Variants in MGAT4C observed in about 807,000 individuals in gnomAD.
MGAT4C encodes alpha-1,3-mannosyl-glycoprotein 4-beta-N-acetylglucosaminyltransferase C.
A neutral mutation model predicts 40.1 loss-of-function variants in MGAT4C; 19 were observed. That is an observed-to-expected ratio of 0.47 (90% confidence interval 0.33 to 0.70). The LOEUF is 0.70. MGAT4C is among the 30% of genes least tolerant of loss of function. The probability of loss-of-function intolerance (pLI) is 0.02; values close to 1 mark genes in which losing one functional copy is unlikely to be tolerated. For synonymous variants in MGAT4C, 181 were observed against 187.1 expected (o/e 0.97, Z 0.27); for missense variants, 491 against 563.2 (o/e 0.87, Z 1.30).
intron 1 of MGAT4C, among the ~76,000 whole-genome samples, chr12:86,208,575 C>T (rs1490909594): frequency 6.6e-6 from 1 of 152,122 alleles, no homozygotes; most frequent in East Asian, 1.9e-4. Context: ...TACCAAGAAC[C>T]TGGGAGATCT....
intron 2 of MGAT4C, among the ~76,000 whole-genome samples, chr12:86,680,858 G>C (rs554340078): frequency 2.3e-3 from 353 of 151,890 alleles, no homozygotes; most frequent in African/African-American, 8.2e-3. Flanking sequence ...TCTTTCTATA[G>C]TTGTGAATTT....
At chr12:86,177,526 T>C (rs1261584636) in intron 1 of MGAT4C, among the ~76,000 whole-genome samples, 1 of 152,130 alleles carries the variant, frequency 6.6e-6, no homozygotes, top group Non-Finnish European at 1.5e-5. Flanking sequence ...TTTCACCCAA[T>C]ATCTAAGAAA....
intron 2 of MGAT4C, among the ~76,000 whole-genome samples, chr12:86,468,516 GT>G (rs145459240): frequency 0.1 from 15,755 of 151,544 alleles, 1,028 homozygotes; most frequent in Middle Eastern, 0.25. Flanking sequence ...AGTCTGAGTT[GT>G]TTTTTTTCTT....
intron 1 of MGAT4C, among the ~76,000 whole-genome samples, chr12:86,251,469 A>T (rs1341617993): frequency 6.6e-6 from 1 of 152,042 alleles, no homozygotes; most frequent in African/African-American, 2.4e-5. Context: ...ACGCAAACAA[A>T]AAAGAAAGTG....
At chr12:86,677,642 A>G (rs1159498000) in intron 2 of MGAT4C, among the ~76,000 whole-genome samples, 2 of 152,196 alleles carry the variant, frequency 1.3e-5, no homozygotes, top group Non-Finnish European at 2.9e-5. Flanking sequence ...ATAGAAAAAT[A>G]AATATTCTTT....
chr12:86,222,388 T>A (rs1857834678), intron 1 of MGAT4C, among the ~76,000 whole-genome samples: 1 of 152,224 alleles, frequency 6.6e-6, no homozygotes, highest in African/African-American at 2.4e-5. Flanking sequence ...AATTTAATTA[T>A]ACTCTGCACT....
chr12:86,576,747 G>A (rs954493206), intron 2 of MGAT4C, among the ~76,000 whole-genome samples: 3 of 151,906 alleles, frequency 2.0e-5, no homozygotes, highest in Non-Finnish European at 2.9e-5. Flanking sequence ...TTTGAAGTAA[G>A]TTAATGTGAT....
intron 2 of MGAT4C, among the ~76,000 whole-genome samples, chr12:86,558,178 G>T (rs551679443): frequency 3.0e-4 from 46 of 152,052 alleles, no homozygotes; most frequent in African/African-American, 9.4e-4. Context: ...GAAAATAAAA[G>T]AAAGATGAAG....
chr12:86,236,211 CG>C (rs945105948), intron 1 of MGAT4C, among the ~76,000 whole-genome samples: 3 of 152,012 alleles, frequency 2.0e-5, no homozygotes, highest in African/African-American at 7.2e-5. Flanking sequence ...AAAGGTAGAG[CG>C]TTTTCAGGGT....
Position 86,291,814 on chromosome 12 carries a change from C to T in MGAT4C, c.-57+42251G>A, listed in dbSNP as rs566296508. On this transcript the variant is annotated intron_variant, in intron 4 of 7. Coordinates refer to the MGAT4C transcript ENST00000548651. ...ATTAGCCAAAGATTCCGGAAATAAACTGAATACTGTGAATAGGATTTGGGG... is the reference window on the plus strand; with the variant it reads ...ATTAGCCAAAGATTCCGGAAATAAATTGAATACTGTGAATAGGATTTGGGG... Among the ~76,000 whole-genome samples the T allele has an allele frequency of 8.2e-4, 36 of 43,754 alleles. No individual in the cohort carries two copies. In the South Asian group the frequency reaches 0.045, roughly 55 times the overall value. The allele number at this position is 43,754 out of a possible 152,430, so 28.7% of individuals were successfully genotyped here.
intron 2 of MGAT4C, among the ~76,000 whole-genome samples, chr12:86,602,829 C>T (rs1157822803): frequency 6.6e-6 from 1 of 151,960 alleles, no homozygotes; most frequent in Non-Finnish European, 1.5e-5. Flanking sequence ...GCAACAATCT[C>T]GCCATCTGTA....
chr12:86,203,343 TGACC>T, intron 1 of MGAT4C, among the ~76,000 whole-genome samples: 1 of 152,268 alleles, frequency 6.6e-6, no homozygotes, highest in South Asian at 2.1e-4. Flanking sequence ...CAGTACTGTA[TGACC>T]TCTTATAGTT....
Position 85,969,861 on chromosome 12 carries a change from T to A in MGAT4C, c.*9428A>T, listed in dbSNP as rs1883536258. ...TATGCTCTTTAGCTTTTTTAATACC[T>A]CTTACCTTATATGGTTGTTTAATCT... On this transcript the variant is annotated 3_prime_UTR_variant, in exon 5 of 5. Transcript: ENST00000611864. 6.6e-6 allele frequency: 1 copy of A among 151,454 alleles called. No individual in the cohort carries two copies. The highest frequency in any genetic ancestry group is 1.5e-5 in the Non-Finnish European group (1 of 67,516). The allele number at this position is 151,454 out of a possible 1,614,324, so 9.4% of individuals were successfully genotyped here.
intron 1 of MGAT4C, among the ~76,000 whole-genome samples, chr12:86,142,423 G>A (rs780133126): frequency 5.3e-5 from 8 of 152,074 alleles, no homozygotes; most frequent in African/African-American, 9.7e-5. Flanking sequence ...TCTGATCTCT[G>A]GGTTGCTCAT....
At position 85,971,658 on chromosome 12, in the gene MGAT4C, C is replaced by A. The variant is rs1253486943; in HGVS notation, c.*7631G>T. On this transcript the variant is annotated 3_prime_UTR_variant, in exon 5 of 5. Coordinates refer to ENST00000611864, the MANE Select transcript of MGAT4C (RefSeq NM_001351288.2). ...AACACTAGATACGTACCAAAATTGT[C>A]TTTTGACCCTCTCAGGGAGTCAAGT... 1 of 151,170 alleles carries A rather than the reference C, an allele frequency of 6.6e-6. No individual in the cohort carries two copies. Among genetic ancestry groups the A allele is most frequent in the Non-Finnish European group, 1.5e-5 (1 of 67,332 alleles). 9.4% of individuals were successfully genotyped at this position (151,170 alleles called of 1,614,324 possible). A position where few individuals can be genotyped will look rare whatever the true frequency, so the allele number is the denominator to read the frequency against.
chr12:86,064,288 G>A (rs1409723170), intron 1 of MGAT4C, among the ~76,000 whole-genome samples: 2 of 152,182 alleles, frequency 1.3e-5, no homozygotes, highest in Admixed American at 6.5e-5. Context: ...CCTGAGGCAG[G>A]AGAATGGCAT....
At chr12:86,730,568 T>C (rs1189315739) in intron 1 of MGAT4C, among the ~76,000 whole-genome samples, 1 of 152,052 alleles carries the variant, frequency 6.6e-6, no homozygotes, top group Non-Finnish European at 1.5e-5. Context: ...TGCAAATATG[T>C]GATATATTGA....
At chr12:86,407,613 C>G (rs1455708235) in intron 3 of MGAT4C, among the ~76,000 whole-genome samples, 2 of 151,738 alleles carry the variant, frequency 1.3e-5, no homozygotes, top group Non-Finnish European at 2.9e-5. Flanking sequence ...TAGAATATTA[C>G]TTTTTTTTAA....
intron 2 of MGAT4C, among the ~76,000 whole-genome samples, chr12:85,999,568 T>C (rs1887046068): frequency 4.8e-5 from 3 of 62,632 alleles, no homozygotes; most frequent in African/African-American, 1.3e-4. Flanking sequence ...AAAGAAAATG[T>C]GTGTGTGTGT....
Sources: allele counts gnomAD v4.1 joint callset (sites outside exome capture counted in the v4.1 genomes callset), GRCh38; gene constraint gnomAD v4.1.1; transcripts MANE v1.5; gene names NCBI Gene and HGNC (gene_info 2026-07-23, HGNC 2026-07-21).